The following LHCGR variants were observed in gnomAD, a reference collection of about 807,000 sequenced individuals.
The protein encoded by LHCGR is lutropin-choriogonadotropic hormone receptor.
In LHCGR, 55 loss-of-function variants were observed where a neutral mutation model predicts 60.7. The observed-to-expected ratio is 0.91, with a 90% CI of 0.73 to 1.13. The LOEUF is 1.13. LHCGR is among the 50% of genes most tolerant of loss of function. LHCGR has a pLI of 0.00. For synonymous variants in LHCGR, 337 were observed against 316.5 expected, an observed-to-expected ratio of 1.06 and a Z score of -0.69; for missense variants, 862 against 836.0, an observed-to-expected ratio of 1.03 and a Z score of -0.38.
At position 48,755,575 on chromosome 2, in the gene LHCGR, GCTCAGGGCAGAGCGC is replaced by G. The variant is rs1217501760; in HGVS notation, c.82_96del (p.Ala28_Glu32del). 1 of 1,540,124 alleles carries G rather than the reference GCTCAGGGCAGAGCGC, an allele frequency of 6.5e-7. No homozygotes were observed. Among genetic ancestry groups the G allele is most frequent in the Non-Finnish European group, 8.7e-7 (1 of 1,145,726 alleles). The stretch of plus-strand genomic sequence containing the variant: ...GCGCCGTCGGGCACGCAGTTGCAGG[GCTCAGGGCAGAGCGC>G]CTCGCGCAGCGCTCGTGGCAGCGGC... On this transcript the variant is annotated inframe_deletion, in exon 1 of 11. Coordinates refer to ENST00000294954, the MANE Select transcript of LHCGR (RefSeq NM_000233.4).
chr2:48,735,539 C>T (rs897400261), intron 1 of LHCGR, among the ~76,000 whole-genome samples: 2 of 152,208 alleles, frequency 1.3e-5, no homozygotes, highest in Admixed American at 1.3e-4. Context: ...TTAGGGAACA[C>T]TGCTGCCCTA....
chr2:48,708,984 T>C lies in LHCGR; in HGVS notation c.644A>G (p.Asn215Ser), dbSNP rs1667844526. The C allele has an allele frequency of 6.2e-7, 1 of 1,614,114 alleles. No individual in the cohort carries two copies. Among genetic ancestry groups the C allele is most frequent in the Non-Finnish European group, 8.5e-7 (1 of 1,180,032 alleles). ...KENVHLEKMH[N>S]GAFRGATGPK... ...CCCTGTGGCCCCACGGAAGGCTCCA[T>C]TGTGCATCTTCTCCAGATGTACGTT... The change falls in exon 8 of 11, where the codon AAT (asparagine) becomes AGT (serine). Residue 215 changes from asparagine to serine, a missense_variant. Transcript: ENST00000294954.
At position 48,729,144 on chromosome 2, in the gene LHCGR, G is replaced by A; in HGVS notation, c.308+9C>T. On this transcript the variant is annotated intron_variant, in intron 3 of 10. Coordinates refer to ENST00000294954, the MANE Select transcript of LHCGR (RefSeq NM_000233.4). ...TACAGCAGTAAACTGTCTGTTAGCT[G>A]ATGCTTACATTTCAGACAAATTGAG... is the stretch of plus-strand genomic sequence containing the variant. 1 of 1,598,790 alleles carries A rather than the reference G, an allele frequency of 6.3e-7. No homozygotes were observed. Among genetic ancestry groups the A allele is most frequent in the Non-Finnish European group, 8.6e-7 (1 of 1,166,734 alleles).
Position 48,688,642 on chromosome 2 carries a change from C to G in LHCGR, c.1155G>C (p.Leu385=). Residue 385 remains leucine, a synonymous_variant, in exon 11 of 11, where the codon CTG becomes CTC. Coordinates refer to ENST00000294954, the MANE Select transcript of LHCGR (RefSeq NM_000233.4). The surrounding 1 kb of genome is among the most constrained non-coding windows in gnomAD (Gnocchi z 5.2). ...GCACTGTAAGTTTGTAACGACTTGT[C>G]AGGAGAACAAAAAGAACAGTCATGT... The part of the protein sequence containing the change: ...MGNMTVLFVL[L]TSRYKLTVPR... 1.9e-6 allele frequency: 3 copies of G among 1,614,112 alleles called. No homozygotes were observed. Among genetic ancestry groups the G allele is most frequent in the Non-Finnish European group, 2.5e-6 (3 of 1,180,028 alleles).
At chr2:48,708,598 G>A (rs963007442) in intron 8 of LHCGR, among the ~76,000 whole-genome samples, 3 of 151,984 alleles carry the variant, frequency 2.0e-5, no homozygotes, top group African/African-American at 7.3e-5. Flanking sequence ...AATGTACCAT[G>A]TGAAGACTGG....
intron 8 of LHCGR, among the ~76,000 whole-genome samples, chr2:48,700,198 C>G (rs1467986496): frequency 6.6e-6 from 1 of 152,166 alleles, no homozygotes; most frequent in South Asian, 2.1e-4. Flanking sequence ...AGGGATTGAG[C>G]TCTTTGAAGA....
chr2:48,708,624 A>C (rs1667819875), intron 8 of LHCGR: 2 of 478,090 alleles, frequency 4.2e-6, no homozygotes, highest in Non-Finnish European at 3.8e-6. Flanking sequence ...TGCTGCCACA[A>C]CCAGAAAGAA....
intron 1 of LHCGR, 81 bp from the exon 2 acceptor site, chr2:48,731,379 G>A: frequency 3.3e-6 from 3 of 917,006 alleles, no homozygotes; most frequent in Non-Finnish European, 5.3e-6. Context: ...ATGGGTATGT[G>A]TATGTGTGTG....
intron 8 of LHCGR, among the ~76,000 whole-genome samples, chr2:48,704,414 A>T (rs943842216): frequency 6.6e-6 from 1 of 152,202 alleles, no homozygotes; most frequent in Non-Finnish European, 1.5e-5. Flanking sequence ...AGAATGAGTT[A>T]GGGAGGATTC....
intron 9 of LHCGR, among the ~76,000 whole-genome samples, chr2:48,695,307 A>G (rs1667060925): frequency 6.6e-6 from 1 of 152,076 alleles, no homozygotes; most frequent in Non-Finnish European, 1.5e-5. Context: ...ATTAGGTCCC[A>G]CTCATCAATT....
intron 7 of LHCGR, among the ~76,000 whole-genome samples, chr2:48,712,462 G>C (rs909520423): frequency 6.6e-6 from 1 of 152,104 alleles, no homozygotes; most frequent in Non-Finnish European, 1.5e-5. Flanking sequence ...AAGTTTGTCA[G>C]AAATCGATTT....
chr2:48,713,594 C>CTGGT (rs1414639159), intron 7 of LHCGR, among the ~76,000 whole-genome samples: 4 of 152,160 alleles, frequency 2.6e-5, no homozygotes. Context: ...TTGTGGCTGA[C>CTGGT]AAGACTGGTA....
At chr2:48,689,226 T>C (rs1680082758) in intron 10 of LHCGR, among the ~76,000 whole-genome samples, 1 of 151,836 alleles carries the variant, frequency 6.6e-6, no homozygotes, top group African/African-American at 2.4e-5. Context: ...ATAACATTGA[T>C]ACAAAAACTT....
intron 7 of LHCGR, among the ~76,000 whole-genome samples, chr2:48,711,302 A>G (rs1281175297): frequency 5.9e-5 from 9 of 151,972 alleles, no homozygotes; most frequent in Admixed American, 5.9e-4. Context: ...TTTATCTGTT[A>G]TTTGCTTTTT....
chr2:48,712,777 A>G (rs1397138463), intron 7 of LHCGR, among the ~76,000 whole-genome samples: 1 of 151,960 alleles, frequency 6.6e-6, no homozygotes, highest in Non-Finnish European at 1.5e-5. Flanking sequence ...AAACAAGCCT[A>G]TTATTGGATC....
intron 8 of LHCGR, among the ~76,000 whole-genome samples, chr2:48,708,266 G>T (rs1667796168): frequency 6.6e-6 from 1 of 152,112 alleles, no homozygotes; most frequent in Non-Finnish European, 1.5e-5. Context: ...CCAACCAAGT[G>T]CCAGGGGCAT....
chr2:48,741,298 C>T (rs1408510532), intron 1 of LHCGR, among the ~76,000 whole-genome samples: 6 of 152,172 alleles, frequency 3.9e-5, no homozygotes, highest in Non-Finnish European at 4.4e-5. Flanking sequence ...CTTCCCCAGT[C>T]GAGCAAGGCA....
intron 9 of LHCGR, among the ~76,000 whole-genome samples, chr2:48,697,938 G>T (rs1572824315): frequency 6.6e-6 from 1 of 152,130 alleles, no homozygotes; most frequent in Admixed American, 6.6e-5. Context: ...ACATGTACTG[G>T]GTTGCAATAC....
intron 6 of LHCGR, among the ~76,000 whole-genome samples, chr2:48,717,479 G>A (rs1381616699): frequency 1.3e-5 from 2 of 152,096 alleles, no homozygotes; most frequent in African/African-American, 4.8e-5. Context: ...GACTGAAAAT[G>A]TAAATATATG....
Sources: gnomAD v4.1 joint callset for allele counts (sites outside exome capture counted in the v4.1 genomes callset) on GRCh38, gnomAD v4.1.1 for gene constraint, Gnocchi (gnomAD v3.1) non-coding constraint, MANE v1.5 for transcripts, NCBI Gene and HGNC (gene_info 2026-07-23, HGNC 2026-07-21) for gene names.